The following DPP6 variants were observed in gnomAD, a reference collection of about 807,000 sequenced individuals.
The protein encoded by DPP6 is dipeptidyl peptidase like 6.
DPP6 carries 69 observed loss-of-function variants against 122.6 expected under a neutral mutation model. The observed-to-expected ratio is 0.56, with a 90% CI of 0.46 to 0.69. DPP6 has a LOEUF of 0.69. DPP6 is among the 30% of genes least tolerant of loss of function. The pLI is 0.00. For synonymous variants in DPP6, 418 were observed against 433.1 expected, an observed-to-expected ratio of 0.97 and a Z score of 0.43; for missense variants, 928 against 1,116.9, an observed-to-expected ratio of 0.83 and a Z score of 2.41.
At chr7:154,576,103 A>T (rs1831652013) in intron 5 of DPP6, among the ~76,000 whole-genome samples, 1 of 151,788 alleles carries the variant, frequency 6.6e-6, no homozygotes, top group African/African-American at 2.4e-5. Context: ...AGCACAGAAA[A>T]CACCTCCCCT....
At chr7:154,042,094 G>T (rs1799795288) in intron 1 of DPP6, among the ~76,000 whole-genome samples, 1 of 152,128 alleles carries the variant, frequency 6.6e-6, no homozygotes. Flanking sequence ...GCAGCTTTGA[G>T]CATCAAATCC....
intron 1 of DPP6, among the ~76,000 whole-genome samples, chr7:154,432,284 T>C (rs182219246): frequency 7.9e-5 from 12 of 152,320 alleles, no homozygotes; most frequent in Admixed American, 3.3e-4. Flanking sequence ...GCTTATATCA[T>C]GCTGCTATGT....
intron 1 of DPP6, among the ~76,000 whole-genome samples, chr7:154,173,955 C>G (rs1797666693): frequency 6.6e-6 from 1 of 152,190 alleles, no homozygotes; most frequent in Admixed American, 6.5e-5. Flanking sequence ...GCAGTTCCTT[C>G]CACAGGAGGA....
chr7:154,415,326 CTACTCAGAA>C (rs544245634), intron 1 of DPP6, among the ~76,000 whole-genome samples: 58 of 152,276 alleles, frequency 3.8e-4, no homozygotes, highest in African/African-American at 1.3e-3. Flanking sequence ...CTAATGACCA[CTACTCAGAA>C]TTAAGAAGGT....
the DPP6 span, among the ~76,000 whole-genome samples, chr7:153,875,289 TA>T: frequency 6.6e-6 from 1 of 152,114 alleles, no homozygotes; most frequent in Non-Finnish European, 1.5e-5. Flanking sequence ...AGGAAAAATA[TA>T]AGGACATTTT....
chr7:154,027,911 G>C (rs1249755184), intron 1 of DPP6, among the ~76,000 whole-genome samples: 1 of 151,344 alleles, frequency 6.6e-6, no homozygotes, highest in Non-Finnish European at 1.5e-5. Flanking sequence ...TTTTTCCGTA[G>C]TTCATCCTGG....
In DPP6 at chr7:154,850,210, C is replaced by T. The variant is rs1271943263; in HGVS notation, c.1667-3570C>T. Among the ~76,000 whole-genome samples, 3 of 152,204 alleles carry T rather than the reference C, an allele frequency of 2.0e-5. No individual in the cohort carries two copies. In the East Asian group the frequency reaches 5.8e-4, roughly 29 times the overall value. On this transcript the variant is annotated intron_variant, in intron 16 of 25. Transcript: ENST00000377770. ...CCCCCTCCTCCCCTTTCCTCCAAGT[C>T]CCCAAAGTCCATTGTATCATTTTCA...
intron 1 of DPP6, among the ~76,000 whole-genome samples, chr7:154,424,595 T>G (rs1321648721): frequency 2.0e-5 from 3 of 152,210 alleles, no homozygotes; most frequent in African/African-American, 7.2e-5. Context: ...CGTGGATAAT[T>G]CAGGATAATC....
chr7:154,060,790 TCACAGGAGGGGGA>T (rs1444838537), intron 1 of DPP6, among the ~76,000 whole-genome samples: 2 of 104,160 alleles, frequency 1.9e-5, no homozygotes, highest in South Asian at 3.5e-4. Flanking sequence ...AGGACGCCCA[TCACAGGAGGGGGA>T]CGCACCCCCC....
chr7:154,678,869 T>G (rs527810689), intron 7 of DPP6, among the ~76,000 whole-genome samples: 1 of 152,340 alleles, frequency 6.6e-6, no homozygotes, highest in South Asian at 2.1e-4. Flanking sequence ...TAACAGTGCC[T>G]ACCTTGTAGG....
chr7:153,895,141 G>T (rs1375602369), intron 1 of DPP6, among the ~76,000 whole-genome samples: 1 of 151,962 alleles, frequency 6.6e-6, no homozygotes, highest in African/African-American at 2.4e-5. Flanking sequence ...TTTTCTTCAC[G>T]CCCAGAAAAA....
chr7:154,090,742 T>G (rs1272179240), intron 1 of DPP6, among the ~76,000 whole-genome samples: 1 of 149,912 alleles, frequency 6.7e-6, no homozygotes, highest in East Asian at 2.0e-4. Flanking sequence ...AATCCTTGGC[T>G]TTTACTCACC....
chr7:154,053,130 C>G, intron 1 of DPP6, 67 bp downstream of exon 1: 1 of 950,358 alleles, frequency 1.1e-6, no homozygotes, highest in African/African-American at 1.8e-5. Flanking sequence ...CGAGACGCGT[C>G]GGCAGGGGAA....
intron 1 of DPP6, among the ~76,000 whole-genome samples, chr7:154,177,793 T>C (rs1288558398): frequency 6.6e-6 from 1 of 152,226 alleles, no homozygotes; most frequent in Non-Finnish European, 1.5e-5. Context: ...GGTACTTTGA[T>C]AGCGCACTAA....
chr7:154,814,426 G>A (rs1280444262), intron 16 of DPP6, among the ~76,000 whole-genome samples: 3 of 152,148 alleles, frequency 2.0e-5, no homozygotes, highest in Non-Finnish European at 4.4e-5. Flanking sequence ...CAGAGAACAT[G>A]AAAGTGGCTG....
intron 6 of DPP6, among the ~76,000 whole-genome samples, chr7:154,640,787 T>C (rs550605887): frequency 2.0e-3 from 298 of 152,310 alleles, no homozygotes; most frequent in African/African-American, 6.7e-3. Flanking sequence ...TACTAAAATA[T>C]TTGAATATAC....
At chr7:154,059,959 G>T (rs1801435411) in intron 1 of DPP6, among the ~76,000 whole-genome samples, 1 of 152,110 alleles carries the variant, frequency 6.6e-6, no homozygotes, top group African/African-American at 2.4e-5. Flanking sequence ...CCCATTTTGT[G>T]ATGGCTGAGA....
At chr7:153,764,875 T>A in the DPP6 span, among the ~76,000 whole-genome samples, 1 of 152,160 alleles carries the variant, frequency 6.6e-6, no homozygotes, top group Non-Finnish European at 1.5e-5. Flanking sequence ...CACATGGGGC[T>A]GCCTGAGATT....
intron 1 of DPP6, among the ~76,000 whole-genome samples, chr7:154,365,098 T>C (rs562592684): frequency 1.3e-5 from 2 of 152,310 alleles, no homozygotes; most frequent in South Asian, 4.1e-4. Context: ...TCATTTGACT[T>C]GGTGTCAGGC....
Sources: gnomAD v4.1 joint callset for allele counts (sites outside exome capture counted in the v4.1 genomes callset) on GRCh38, gnomAD v4.1.1 for gene constraint, MANE v1.5 for transcripts, NCBI Gene and HGNC (gene_info 2026-07-23, HGNC 2026-07-21) for gene names.